CNTN4: variants seen among roughly 807,000 people sequenced by gnomAD.
CNTN4 encodes contactin-4.
A neutral mutation model predicts 122.5 loss-of-function variants in CNTN4; 77 were observed. That is an observed-to-expected ratio of 0.63 (90% CI 0.52 to 0.76). The LOEUF (loss-of-function observed/expected upper bound fraction) is 0.76, where lower values mean the gene tolerates loss of function less well. CNTN4 is among the 30% of genes least tolerant of loss of function. The pLI is 0.00. For missense variants in CNTN4, 1,256 were observed against 1,259.1 expected (o/e 1.00, Z 0.04); for synonymous variants, 512 against 447.0 (o/e 1.15, Z -1.83).
intron 2 of CNTN4, among the ~76,000 whole-genome samples, chr3:2,130,326 C>T (rs113517926): frequency 2.9e-4 from 44 of 152,252 alleles, no homozygotes; most frequent in African/African-American, 1.0e-3. Context: ...GCAGGAGCAG[C>T]AGTCCCAAGA....
intron 7 of CNTN4, among the ~76,000 whole-genome samples, chr3:2,853,594 T>C (rs2093582945): frequency 6.6e-6 from 1 of 152,188 alleles, no homozygotes. Context: ...ATATTTCTTC[T>C]GAGTAGATTT....
intron 2 of CNTN4, among the ~76,000 whole-genome samples, chr3:2,168,811 C>T (rs939383408): frequency 6.6e-6 from 1 of 152,080 alleles, no homozygotes; most frequent in Non-Finnish European, 1.5e-5. Context: ...GTAATACTTG[C>T]AAGCAGATTT....
intron 7 of CNTN4, among the ~76,000 whole-genome samples, chr3:2,858,568 A>T (rs1329827643): frequency 6.6e-6 from 1 of 152,002 alleles, no homozygotes; most frequent in Non-Finnish European, 1.5e-5. Flanking sequence ...TTTACCAAAA[A>T]ATACAAAAAT....
chr3:2,877,284 ATTTAC>A (rs1256411173), intron 8 of CNTN4, among the ~76,000 whole-genome samples: 1 of 152,170 alleles, frequency 6.6e-6, no homozygotes, highest in African/African-American at 2.4e-5. Flanking sequence ...TCAAATGAAT[ATTTAC>A]TTATTTAATT....
chr3:2,194,722 A>G (rs1489773392), intron 2 of CNTN4, among the ~76,000 whole-genome samples: 2 of 152,190 alleles, frequency 1.3e-5, no homozygotes, highest in African/African-American at 4.8e-5. Flanking sequence ...CAGGCAGGCA[A>G]AATGCCATGT....
intron 6 of CNTN4, among the ~76,000 whole-genome samples, chr3:2,776,996 T>TTTAAGACAGAC: frequency 6.6e-6 from 1 of 152,236 alleles, no homozygotes; most frequent in Admixed American, 6.5e-5. Flanking sequence ...TTGTTTTGTT[T>TTTAAGACAGAC]TTAAGACAGA....
intron 2 of CNTN4, among the ~76,000 whole-genome samples, chr3:2,240,480 A>G (rs1332489857): frequency 1.3e-5 from 2 of 152,158 alleles, no homozygotes; most frequent in Non-Finnish European, 2.9e-5. Context: ...AGGAATTTTT[A>G]TAAACCAGGC....
chr3:2,390,656 G>T (rs148544100), intron 3 of CNTN4, among the ~76,000 whole-genome samples: 111 of 152,200 alleles, frequency 7.3e-4, no homozygotes, highest in African/African-American at 2.5e-3. Context: ...ACAGCTACTG[G>T]TTGATTAATA....
chr3:2,490,302 C>T (rs1376388194), intron 3 of CNTN4, among the ~76,000 whole-genome samples: 1 of 152,214 alleles, frequency 6.6e-6, no homozygotes, highest in Non-Finnish European at 1.5e-5. Context: ...GTCACGCCCA[C>T]TCTCATGGTT....
intron 4 of CNTN4, among the ~76,000 whole-genome samples, chr3:2,632,811 A>C (rs961729349): frequency 3.3e-5 from 5 of 152,106 alleles, no homozygotes; most frequent in Non-Finnish European, 5.9e-5. Flanking sequence ...GATGAAGCTC[A>C]GGTGTGCCTC....
At chr3:3,035,673 C>A (rs1476950989) in intron 17 of CNTN4, among the ~76,000 whole-genome samples, 1 of 152,194 alleles carries the variant, frequency 6.6e-6, no homozygotes, top group Non-Finnish European at 1.5e-5. Flanking sequence ...CTTCCCACCT[C>A]AGCCTGTTGA....
intron 6 of CNTN4, among the ~76,000 whole-genome samples, chr3:2,814,776 C>T (rs2092690545): frequency 6.6e-6 from 1 of 152,158 alleles, no homozygotes; most frequent in South Asian, 2.1e-4. Context: ...CTGGCCACTT[C>T]CTAGGCACGT....
intron 4 of CNTN4, among the ~76,000 whole-genome samples, chr3:2,646,872 A>G (rs2083147266): frequency 1.3e-5 from 2 of 152,066 alleles, no homozygotes; most frequent in Admixed American, 1.3e-4. Context: ...AGACCACCCT[A>G]AGGTTTCATT....
At chr3:2,458,373 G>A (rs183763925) in intron 3 of CNTN4, among the ~76,000 whole-genome samples, 10 of 152,186 alleles carry the variant, frequency 6.6e-5, no homozygotes, top group African/African-American at 1.9e-4. Flanking sequence ...GTGTATAACA[G>A]TCCTATAGGG....
chr3:2,509,440 T>C (rs1273012712), intron 3 of CNTN4, among the ~76,000 whole-genome samples: 1 of 152,208 alleles, frequency 6.6e-6, no homozygotes, highest in African/African-American at 2.4e-5. Flanking sequence ...AACACAAAAT[T>C]ACTCAAAAGT....
At chr3:2,145,856 TTAAG>T (rs1278510447) in intron 2 of CNTN4, among the ~76,000 whole-genome samples, 4 of 152,088 alleles carry the variant, frequency 2.6e-5, no homozygotes, top group African/African-American at 9.7e-5. Flanking sequence ...ATTAGAAGGC[TTAAG>T]TAATTTGACA....
chr3:2,356,371 A>C (rs1389017564), intron 3 of CNTN4, among the ~76,000 whole-genome samples: 1 of 152,138 alleles, frequency 6.6e-6, no homozygotes, highest in Non-Finnish European at 1.5e-5. Context: ...CAGTAAAGGG[A>C]TGGGCAATTC....
intron 2 of CNTN4, among the ~76,000 whole-genome samples, chr3:2,186,648 T>C (rs888176431): frequency 1.3e-5 from 2 of 152,304 alleles, no homozygotes; most frequent in East Asian, 1.9e-4. Flanking sequence ...TGGTATCTCA[T>C]TGTGGTTTTG....
chr3:2,278,721 A>T (rs769764624), intron 2 of CNTN4, among the ~76,000 whole-genome samples: 2 of 152,180 alleles, frequency 1.3e-5, no homozygotes, highest in African/African-American at 2.4e-5. Context: ...ATCCTGAAAA[A>T]GTTTTCTAAC....
Sources: allele counts gnomAD v4.1 joint callset (sites outside exome capture counted in the v4.1 genomes callset), GRCh38; gene constraint gnomAD v4.1.1; transcripts MANE v1.5; gene names NCBI Gene and HGNC (gene_info 2026-07-23, HGNC 2026-07-21).